Variants in DAB1 observed in about 807,000 individuals in gnomAD.
DAB1 encodes DAB adaptor protein 1.
In DAB1, 15 loss-of-function variants were observed where a neutral mutation model predicts 64.6. The ratio of observed to expected loss-of-function variants is 0.23; its 90% CI spans 0.16 to 0.36. The LOEUF (loss-of-function observed/expected upper bound fraction) is 0.36, where lower values mean the gene tolerates loss of function less well. Among genes scored for constraint, DAB1 ranks in the 10% least tolerant of loss-of-function variants. DAB1 has a pLI of 1.00. For synonymous variants in DAB1, 235 were observed against 251.9 expected, an observed-to-expected ratio of 0.93 and a Z score of 0.64; for missense variants, 596 against 706.7, an observed-to-expected ratio of 0.84 and a Z score of 1.78.
chr1:57,665,386 T>C (rs576240125), intron 6 of DAB1, among the ~76,000 whole-genome samples: 4 of 152,132 alleles, frequency 2.6e-5, no homozygotes, highest in Non-Finnish European at 5.9e-5. Context: ...TTTTGCTACA[T>C]TATAGGTAGA....
intron 5 of DAB1, among the ~76,000 whole-genome samples, chr1:57,968,597 T>G (rs996199970): frequency 6.6e-6 from 1 of 151,996 alleles, no homozygotes; most frequent in Non-Finnish European, 1.5e-5. Context: ...GATGCATGAG[T>G]CAGTAGATCT....
intron 4 of DAB1, among the ~76,000 whole-genome samples, chr1:58,248,135 C>A (rs536561900): frequency 6.6e-6 from 1 of 152,108 alleles, no homozygotes; most frequent in Admixed American, 6.5e-5. Context: ...GGTGGCCATT[C>A]ATTTTGAGGG....
Position 57,215,941 on chromosome 1 carries a change from C to A in DAB1, c.68-70512G>T, listed in dbSNP as rs189295951. The stretch of plus-strand genomic sequence containing the variant: ...TGTGCATAAAGGACTCCGTGGGAGA[C>A]CCCACTGGGATCTGAAGAGTAGGCC... On this transcript the variant is annotated intron_variant, in intron 2 of 14. Transcript: ENST00000371236. Among the ~76,000 whole-genome samples the A allele has an allele frequency of 5.3e-5, 8 of 152,248 alleles. No homozygotes were observed. In the East Asian group the frequency reaches 1.5e-3, roughly 29 times the overall value.
chr1:57,304,376 T>C (rs576146859), intron 1 of DAB1, among the ~76,000 whole-genome samples: 2 of 140,300 alleles, frequency 1.4e-5, no homozygotes, highest in South Asian at 4.9e-4. Context: ...CCTCCAGTAG[T>C]GGAGATTACA....
At chr1:57,886,273 C>A (rs149086073), upstream of DAB1, among the ~76,000 whole-genome samples, 2 of 152,068 alleles carry the variant, frequency 1.3e-5, no homozygotes, top group Non-Finnish European at 2.9e-5. Context: ...ATTCTCCTGC[C>A]TCAGCCTCTG....
chr1:57,978,565 T>G (rs533926779), intron 5 of DAB1, among the ~76,000 whole-genome samples: 1 of 152,144 alleles, frequency 6.6e-6, no homozygotes, highest in Admixed American at 6.5e-5. Flanking sequence ...AATTGACAAA[T>G]GGGATCTAAT....
At chr1:58,363,343 A>T (rs1471676361) in intron 3 of DAB1, among the ~76,000 whole-genome samples, 1 of 152,212 alleles carries the variant, frequency 6.6e-6, no homozygotes, top group African/African-American at 2.4e-5. Flanking sequence ...ACCTATAATG[A>T]CCCACTGGCA....
At chr1:57,199,800 T>C (rs1043196795) in intron 2 of DAB1, among the ~76,000 whole-genome samples, 1 of 152,170 alleles carries the variant, frequency 6.6e-6, no homozygotes, top group Non-Finnish European at 1.5e-5. Flanking sequence ...TCCTTGGCTG[T>C]TAAATGAGGA....
At chr1:58,334,978 A>C (rs977507188) in intron 4 of DAB1, among the ~76,000 whole-genome samples, 1 of 152,206 alleles carries the variant, frequency 6.6e-6, no homozygotes. Flanking sequence ...CCTCATGAAG[A>C]GTAAGTGCTT....
intron 3 of DAB1, among the ~76,000 whole-genome samples, chr1:58,463,289 AG>A (rs1645261966): frequency 6.6e-6 from 1 of 152,166 alleles, no homozygotes; most frequent in South Asian, 2.1e-4. Context: ...TGGAGGTGAC[AG>A]GTCGTCGTAT....
intron 4 of DAB1, among the ~76,000 whole-genome samples, chr1:58,300,627 AG>A (rs1662124026): frequency 5.9e-5 from 3 of 51,266 alleles, no homozygotes; most frequent in Non-Finnish European, 1.4e-4. Flanking sequence ...AGAGAGAGAG[AG>A]AGAGAGAGAG....
chr1:57,868,434 G>T (rs1388597820), intron 1 of DAB1, among the ~76,000 whole-genome samples: 1 of 152,122 alleles, frequency 6.6e-6, no homozygotes, highest in Non-Finnish European at 1.5e-5. Context: ...ATCTGAAAAA[G>T]GCATGGGCAA....
At chr1:58,257,800 G>A (rs1660965345) in intron 4 of DAB1, among the ~76,000 whole-genome samples, 1 of 152,170 alleles carries the variant, frequency 6.6e-6, no homozygotes. Flanking sequence ...GAGAATTGAA[G>A]TGACCCCTAT....
At chr1:58,380,413 T>G (rs1332666663) in intron 3 of DAB1, among the ~76,000 whole-genome samples, 1 of 152,252 alleles carries the variant, frequency 6.6e-6, no homozygotes, top group Non-Finnish European at 1.5e-5. Context: ...TGCGGAACTG[T>G]GAGTCAATTA....
chr1:57,157,171 C>A (rs1036804589), intron 2 of DAB1, among the ~76,000 whole-genome samples: 1 of 152,284 alleles, frequency 6.6e-6, no homozygotes, highest in South Asian at 2.1e-4. Flanking sequence ...CTCTCCCACT[C>A]ATCATAGATT....
At chr1:57,358,708 C>T (rs908895625) in intron 1 of DAB1, among the ~76,000 whole-genome samples, 3 of 152,038 alleles carry the variant, frequency 2.0e-5, no homozygotes, top group African/African-American at 7.2e-5. Flanking sequence ...GGAGGCATCA[C>T]ACTACCTGAC....
intron 7 of DAB1, among the ~76,000 whole-genome samples, chr1:57,463,787 A>G (rs963442703): frequency 6.6e-6 from 1 of 152,204 alleles, no homozygotes; most frequent in African/African-American, 2.4e-5. Flanking sequence ...TCATTCATGA[A>G]ACATTTCTTG....
At chr1:57,590,222 CTG>C (rs1645427524) in intron 7 of DAB1, among the ~76,000 whole-genome samples, 1 of 152,148 alleles carries the variant, frequency 6.6e-6, no homozygotes, top group African/African-American at 2.4e-5. Context: ...CGCCTGGTGT[CTG>C]TTCCATTTCT....
chr1:58,312,908 TTAAAA>T (rs768936996), intron 4 of DAB1, among the ~76,000 whole-genome samples: 3 of 152,104 alleles, frequency 2.0e-5, no homozygotes, highest in South Asian at 2.1e-4. Context: ...AGTTCACAAC[TTAAAA>T]TAAAAGTTAA....
Sources: allele counts gnomAD v4.1 joint callset (sites outside exome capture counted in the v4.1 genomes callset), GRCh38; gene constraint gnomAD v4.1.1; transcripts MANE v1.5; gene names NCBI Gene and HGNC (gene_info 2026-07-23, HGNC 2026-07-21).